Variants in ABCC1 observed in about 807,000 individuals in gnomAD.
ABCC1 encodes the protein multidrug resistance-associated protein 1.
ABCC1 carries 83 observed loss-of-function variants against 172.9 expected under a neutral mutation model. The ratio of observed to expected loss-of-function variants is 0.48; its 90% confidence interval spans 0.40 to 0.58. The LOEUF (loss-of-function observed/expected upper bound fraction) is 0.58. Among genes scored for constraint, ABCC1 ranks in the 20% least tolerant of loss-of-function variants. The pLI, the probability that ABCC1 is intolerant of heterozygous loss-of-function variation, is 0.00. For synonymous variants in ABCC1, 937 were observed against 825.2 expected, an observed-to-expected ratio of 1.14 and a Z score of -2.32; for missense variants, 1,817 against 2,002.7, an observed-to-expected ratio of 0.91 and a Z score of 1.77.
chr16:16,108,207 C>T (rs1200192998), intron 21 of ABCC1, among the ~76,000 whole-genome samples: 1 of 150,326 alleles, frequency 6.7e-6, no homozygotes, highest in Admixed American at 6.6e-5. Context: ...AGCCAGGGGG[C>T]TTGTTACTTG....
chr16:15,976,258 ACT>A (rs1273399321), intron 1 of ABCC1, among the ~76,000 whole-genome samples: 4 of 152,042 alleles, frequency 2.6e-5, no homozygotes, highest in Non-Finnish European at 5.9e-5. Flanking sequence ...CAAGAGCAAA[ACT>A]CTGTCTCAAA....
Position 16,118,737 on chromosome 16 carries a change from T to C in ABCC1, c.3391-3238T>C, listed in dbSNP as rs137992244. 5.4e-3 allele frequency among the ~76,000 whole-genome samples: 821 copies of C among 152,040 alleles called. 7 individuals are homozygous for C. The highest frequency in any genetic ancestry group is 0.013 in the South Asian group (62 of 4,792). On this transcript the variant is annotated intron_variant, in intron 23 of 30. Transcript: ENST00000399410. ...TATCACCGAGATGAAATGCATAATGTGTGTGGGCAGGACTGGAAGGGAGGC... is the reference window on the plus strand; with the variant it reads ...TATCACCGAGATGAAATGCATAATGCGTGTGGGCAGGACTGGAAGGGAGGC...
intron 16 of ABCC1, 54 bp downstream of exon 16, chr16:16,079,532 A>G (rs1014603640): frequency 1.3e-6 from 2 of 1,569,082 alleles, no homozygotes; most frequent in Non-Finnish European, 8.7e-7. Context: ...GTCTGAGGAA[A>G]AGCTCAGAAA....
intron 29 of ABCC1, among the ~76,000 whole-genome samples, chr16:16,137,856 ATTTT>A (rs892724130): frequency 1.4e-5 from 2 of 144,130 alleles, no homozygotes; most frequent in Non-Finnish European, 3.1e-5. Flanking sequence ...CCCGGCTCTT[ATTTT>A]TTTTTTATTT....
intron 5 of ABCC1, among the ~76,000 whole-genome samples, chr16:16,027,194 G>A (rs1235804845): frequency 6.6e-6 from 1 of 152,112 alleles, no homozygotes; most frequent in Non-Finnish European, 1.5e-5. Context: ...CTGTGTCTTG[G>A]TATGTTGTGG....
chr16:15,967,409 T>G (rs1389562319), intron 1 of ABCC1, among the ~76,000 whole-genome samples: 1 of 151,930 alleles, frequency 6.6e-6, no homozygotes, highest in African/African-American at 2.4e-5. Context: ...TGGACTGATA[T>G]GTGGGGAGAT....
intron 10 of ABCC1, among the ~76,000 whole-genome samples, chr16:16,048,514 T>G (rs1284761924): frequency 6.6e-6 from 1 of 152,222 alleles, no homozygotes; most frequent in Non-Finnish European, 1.5e-5. Context: ...CTTGGTGGCA[T>G]GGCGTTTTCA....
intron 28 of ABCC1, among the ~76,000 whole-genome samples, chr16:16,135,453 CTCT>C (rs1567444719): frequency 6.6e-6 from 1 of 152,072 alleles, no homozygotes; most frequent in Non-Finnish European, 1.5e-5. Context: ...CTTTTTCTTT[CTCT>C]TTTCTTTTTT....
intron 1 of ABCC1, among the ~76,000 whole-genome samples, chr16:15,982,400 A>T (rs1327444409): frequency 1.3e-5 from 2 of 152,060 alleles, no homozygotes; most frequent in Non-Finnish European, 2.9e-5. Context: ...GGAAGCAAAC[A>T]CGTCCTTCTT....
At chr16:16,126,658 T>A (rs1015711365) in intron 26 of ABCC1, among the ~76,000 whole-genome samples, 4 of 152,228 alleles carry the variant, frequency 2.6e-5, no homozygotes, top group Non-Finnish European at 5.9e-5. Flanking sequence ...GTGCTGGGAT[T>A]ACAGGCGTGA....
intron 20 of ABCC1, among the ~76,000 whole-genome samples, chr16:16,105,151 A>AGCGAGGGCT (rs1374657495): frequency 1.3e-5 from 2 of 152,328 alleles, no homozygotes; most frequent in South Asian, 4.1e-4. Context: ...ACAGAGAGCG[A>AGCGAGGGCT]GCGAGGGCTG....
chr16:16,038,071 A>AGAT (rs1283647586), intron 7 of ABCC1, among the ~76,000 whole-genome samples: 4 of 121,756 alleles, frequency 3.3e-5, no homozygotes, highest in African/African-American at 1.6e-4. Flanking sequence ...GATAGATGAT[A>AGAT]GATAGATGGA....
At chr16:15,985,621 T>G (rs1367078135) in intron 1 of ABCC1, among the ~76,000 whole-genome samples, 1 of 152,000 alleles carries the variant, frequency 6.6e-6, no homozygotes. Flanking sequence ...ATTTTTATAT[T>G]TTTAGTAGAG....
Position 16,045,867 on chromosome 16 carries a change from G to T in ABCC1, c.1072G>T (p.Ala358Ser). The T allele has an allele frequency of 1.2e-6, 2 of 1,614,134 alleles. No homozygotes were observed. The highest frequency in any genetic ancestry group is 1.7e-6 in the Non-Finnish European group (2 of 1,180,036). The change falls in exon 9 of 31, where the codon GCC (alanine) becomes TCC (serine). Residue 358 changes from alanine to serine, a missense_variant. Coordinates refer to ENST00000399410, the MANE Select transcript of ABCC1 (RefSeq NM_004996.4). The stretch of plus-strand genomic sequence containing the variant: ...CATCAAGTTCGTGAATGACACGAAG[G>T]CCCCAGACTGGCAGGGCTACTTCTA... Reference protein sequence around the residue: ...LLIKFVNDTKAPDWQGYFYTV... With the variant: ...LLIKFVNDTKSPDWQGYFYTV...
At chr16:16,053,774 CAAAAAAAAAAAAAAAAAA>C (rs10526186) in intron 11 of ABCC1, among the ~76,000 whole-genome samples, 422 of 36,196 alleles carry the variant, frequency 0.012, 2 homozygotes, top group African/African-American at 0.022. Flanking sequence ...GACCCTGTCT[CAAAAAAAAAAAAAAAAAA>C]AAAAAAAAAA....
intron 5 of ABCC1, among the ~76,000 whole-genome samples, chr16:16,020,150 G>C (rs1010295651): frequency 6.6e-6 from 1 of 152,178 alleles, no homozygotes; most frequent in Non-Finnish European, 1.5e-5. Context: ...TCGATCTCCT[G>C]ACTTCAAGTG....
At chr16:16,033,437 G>A (rs2048627633) in intron 6 of ABCC1, among the ~76,000 whole-genome samples, 1 of 152,170 alleles carries the variant, frequency 6.6e-6, no homozygotes, top group Admixed American at 6.5e-5. Context: ...CCATATGCTG[G>A]ACTGCTTTTG....
At chr16:16,058,031 G>A (rs2049745300) in intron 12 of ABCC1, among the ~76,000 whole-genome samples, 1 of 152,084 alleles carries the variant, frequency 6.6e-6, no homozygotes, top group African/African-American at 2.4e-5. Context: ...GCAAAAACAG[G>A]TTGTTCCCTG....
At chr16:16,064,449 G>T (rs1371004670) in intron 12 of ABCC1, among the ~76,000 whole-genome samples, 1 of 152,208 alleles carries the variant, frequency 6.6e-6, no homozygotes, top group East Asian at 1.9e-4. Context: ...CCACCTGAGG[G>T]GTGGATGGCT....
Sources: gnomAD v4.1 joint callset for allele counts (sites outside exome capture counted in the v4.1 genomes callset) on GRCh38, gnomAD v4.1.1 for gene constraint, MANE v1.5 for transcripts, NCBI Gene and HGNC (gene_info 2026-07-23, HGNC 2026-07-21) for gene names.